CSRNP3: variants seen among roughly 807,000 people sequenced by gnomAD.
CSRNP3 encodes cysteine and serine rich nuclear protein 3.
Under a neutral mutation model 48.0 loss-of-function variants are expected in CSRNP3, and 12 were observed. The ratio of observed to expected loss-of-function variants is 0.25; its 90% CI spans 0.16 to 0.41. The LOEUF (loss-of-function observed/expected upper bound fraction) is 0.41. Among genes scored for constraint, CSRNP3 ranks in the 10% least tolerant of loss-of-function variants. The pLI, the probability that CSRNP3 is intolerant of heterozygous loss-of-function variation, is 1.00. For synonymous variants in CSRNP3, 263 were observed against 269.7 expected, an observed-to-expected ratio of 0.98 and a Z score of 0.24; for missense variants, 580 against 724.4, an observed-to-expected ratio of 0.80 and a Z score of 2.29.
chr2:165,486,206 C>G (rs1216866480), intron 1 of CSRNP3, among the ~76,000 whole-genome samples: 1 of 152,158 alleles, frequency 6.6e-6, no homozygotes, highest in Non-Finnish European at 1.5e-5. Context: ...AAAATCGGGT[C>G]ACTCCCACCC....
chr2:165,525,767 A>G (rs1321471606), intron 3 of CSRNP3, among the ~76,000 whole-genome samples: 1 of 152,140 alleles, frequency 6.6e-6, no homozygotes, highest in Non-Finnish European at 1.5e-5. Context: ...ATTAACAGGC[A>G]TGAACCACCA....
intron 3 of CSRNP3, among the ~76,000 whole-genome samples, chr2:165,547,671 C>G (rs908735302): frequency 1.3e-5 from 2 of 151,938 alleles, no homozygotes; most frequent in Non-Finnish European, 2.9e-5. Context: ...AGAGGATACT[C>G]TAATTCCACT....
At chr2:165,542,076 A>G (rs2105253155) in intron 3 of CSRNP3, among the ~76,000 whole-genome samples, 1 of 152,246 alleles carries the variant, frequency 6.6e-6, no homozygotes, top group South Asian at 2.1e-4. Context: ...GAATTTTCAA[A>G]CATGGTTTTT....
rs544421313 is a variant in CSRNP3, at chr2:165,550,569, G to A, written c.-24+32608G>A. Among the ~76,000 whole-genome samples the A allele has an allele frequency of 1.8e-4, 27 of 152,244 alleles. No homozygotes were observed. In the South Asian group the frequency reaches 4.1e-3, roughly 23 times the overall value. Reference sequence around the variant, plus strand: ...AAAATATGCTTACGTTGTTCCTGTTGACAACAGAGCAAACCAAAAAAAGGC... The same window carrying A: ...AAAATATGCTTACGTTGTTCCTGTTAACAACAGAGCAAACCAAAAAAAGGC... On this transcript the variant is annotated intron_variant, in intron 3 of 6. Transcript: ENST00000651982.
At chr2:165,663,780 A>G (rs1449225634) in intron 5 of CSRNP3, among the ~76,000 whole-genome samples, 1 of 152,206 alleles carries the variant, frequency 6.6e-6, no homozygotes, top group African/African-American at 2.4e-5. Flanking sequence ...TCCCAATGGT[A>G]GCTTGAAATC....
chr2:165,666,077 AG>A (rs1381145025), intron 5 of CSRNP3, among the ~76,000 whole-genome samples: 2 of 134,700 alleles, frequency 1.5e-5, no homozygotes, highest in South Asian at 2.8e-4. Context: ...AAAGAGAGAG[AG>A]AGAAAGGAAG....
intron 4 of CSRNP3, among the ~76,000 whole-genome samples, chr2:165,631,823 T>C (rs1686542643): frequency 6.6e-6 from 1 of 152,242 alleles, no homozygotes; most frequent in Admixed American, 6.5e-5. Context: ...ATCTACCTAT[T>C]GTCTGTGGCT....
chr2:165,668,692 G>C (rs1032186604), intron 5 of CSRNP3, among the ~76,000 whole-genome samples: 1 of 152,038 alleles, frequency 6.6e-6, no homozygotes, highest in African/African-American at 2.4e-5. Context: ...CAGCCACCAC[G>C]CCCAGCCCAT....
At position 165,641,780 on chromosome 2, in the gene CSRNP3, A is replaced by T. The variant is rs865992392; in HGVS notation, c.149-15981A>T. On this transcript the variant is annotated intron_variant, in intron 4 of 6. Coordinates refer to ENST00000651982, the MANE Select transcript of CSRNP3 (RefSeq NM_001172173.2). ...AATTTTAGTTTGCTCCAAATGATAA[A>T]GGAAACATGGAAATTTTTTGAGAAG... 2.0e-5 allele frequency among the ~76,000 whole-genome samples: 3 copies of T among 152,196 alleles called. No individual in the cohort carries two copies. The South Asian group carries it at 6.2e-4, about 32-fold the overall frequency.
At chr2:165,471,055 CAA>C (rs899060657) in intron 1 of CSRNP3, among the ~76,000 whole-genome samples, 2 of 151,604 alleles carry the variant, frequency 1.3e-5, no homozygotes, top group Non-Finnish European at 2.9e-5. Flanking sequence ...TAAACAGACA[CAA>C]ATATAATAGT....
At chr2:165,656,171 A>G (rs1687001215) in intron 4 of CSRNP3, among the ~76,000 whole-genome samples, 1 of 152,240 alleles carries the variant, frequency 6.6e-6, no homozygotes, top group Admixed American at 6.5e-5. Flanking sequence ...AGGAGCTTTT[A>G]GGTTTAGGCT....
chr2:165,597,054 C>A (rs950159488), intron 4 of CSRNP3, among the ~76,000 whole-genome samples: 49 of 152,102 alleles, frequency 3.2e-4, no homozygotes, highest in Admixed American at 3.3e-4. Context: ...CATGTCCTAC[C>A]ACATAGCCTC....
chr2:165,534,507 G>A (rs983310463), intron 3 of CSRNP3, among the ~76,000 whole-genome samples: 2 of 151,828 alleles, frequency 1.3e-5, no homozygotes, highest in Non-Finnish European at 2.9e-5. Context: ...CCATATGTCT[G>A]CAGCCATTCT....
rs562505350 is a variant in CSRNP3, at chr2:165,481,474, A to G, written c.-283+11734A>G. ...AGGGAGGCAACGTGCCCTGACACCA[A>G]CTGATCACACCCACCCACCAAAAGA... On this transcript the variant is annotated intron_variant, in intron 1 of 6. Transcript: ENST00000651982. Among the ~76,000 whole-genome samples, 9 of 152,210 alleles carry G rather than the reference A, an allele frequency of 5.9e-5. No homozygotes were observed. In the East Asian group the frequency reaches 1.5e-3, roughly 26 times the overall value.
Position 165,519,121 on chromosome 2 carries a change from AT to A in CSRNP3, c.-24+1167del, listed in dbSNP as rs1251808245. Among the ~76,000 whole-genome samples the A allele has an allele frequency of 2.0e-5, 3 of 152,170 alleles. No homozygotes were observed. The South Asian group carries it at 6.2e-4, about 32-fold the overall frequency. Reference sequence around the variant, plus strand: ...TTCCATTACAACCCACACCCAAATGATTTTTTTATTAAATTAGCTCTTGAAG... The same window carrying A: ...TTCCATTACAACCCACACCCAAATGATTTTTTATTAAATTAGCTCTTGAAG... On this transcript the variant is annotated intron_variant, in intron 3 of 6. Coordinates refer to ENST00000651982, the MANE Select transcript of CSRNP3 (RefSeq NM_001172173.2).
At chr2:165,497,685 AG>A (rs919202402) in intron 2 of CSRNP3, among the ~76,000 whole-genome samples, 2 of 152,116 alleles carry the variant, frequency 1.3e-5, no homozygotes, top group Non-Finnish European at 2.9e-5. Context: ...GAGAGTGTCT[AG>A]GGTGACTCCC....
At chr2:165,585,022 T>C (rs956715013) in intron 3 of CSRNP3, among the ~76,000 whole-genome samples, 1 of 152,204 alleles carries the variant, frequency 6.6e-6, no homozygotes, top group Non-Finnish European at 1.5e-5. Flanking sequence ...GTTTAGACTA[T>C]ATTCACTGTT....
At chr2:165,588,810 T>G (rs576697355) in intron 3 of CSRNP3, among the ~76,000 whole-genome samples, 1 of 151,846 alleles carries the variant, frequency 6.6e-6, no homozygotes, top group Non-Finnish European at 1.5e-5. Flanking sequence ...TTTTGAAAAC[T>G]TAGGTGGGCA....
intron 3 of CSRNP3, among the ~76,000 whole-genome samples, chr2:165,573,720 A>G (rs1206644161): frequency 6.6e-6 from 1 of 152,196 alleles, no homozygotes; most frequent in Admixed American, 6.5e-5. Context: ...CAGAATTACT[A>G]TAGTGACCTC....
Sources: allele counts gnomAD v4.1 joint callset (sites outside exome capture counted in the v4.1 genomes callset), GRCh38; gene constraint gnomAD v4.1.1; transcripts MANE v1.5; gene names NCBI Gene and HGNC (gene_info 2026-07-23, HGNC 2026-07-21).